PRR5L: variants seen among roughly 807,000 people sequenced by gnomAD.
PRR5L encodes proline rich 5 like.
A neutral mutation model predicts 36.4 loss-of-function variants in PRR5L; 21 were observed. The ratio of observed to expected loss-of-function variants is 0.58; its 90% CI spans 0.41 to 0.83. PRR5L has a LOEUF of 0.83. PRR5L is among the 40% of genes least tolerant of loss of function. PRR5L has a pLI of 0.00. For synonymous variants in PRR5L, 188 were observed against 197.0 expected, an observed-to-expected ratio of 0.95 and a Z score of 0.38; for missense variants, 381 against 473.3, an observed-to-expected ratio of 0.80 and a Z score of 1.81.
intron 1 of PRR5L, among the ~76,000 whole-genome samples, chr11:36,378,534 A>AAAGTCTAACTAGCTT (rs1857316313): frequency 6.6e-6 from 1 of 152,246 alleles, no homozygotes; most frequent in African/African-American, 2.4e-5. Flanking sequence ...TAGAAATAAG[A>AAAGTCTAACTAGCTT]AAGTCTAACT....
intron 1 of PRR5L, among the ~76,000 whole-genome samples, chr11:36,387,009 G>T (rs1399483105): frequency 2.0e-5 from 3 of 152,192 alleles, no homozygotes; most frequent in Non-Finnish European, 4.4e-5. Flanking sequence ...GCTGGCGCAG[G>T]GGCAGGCGTG....
chr11:36,398,788 T>A (rs898930192), intron 1 of PRR5L: 7 of 152,238 alleles, frequency 4.6e-5, no homozygotes, highest in Admixed American at 4.6e-4. Context: ...CTCAGTGTCT[T>A]ACAGTTTCCT....
intron 1 of PRR5L, among the ~76,000 whole-genome samples, chr11:36,335,527 G>A (rs1197152114): frequency 6.6e-6 from 1 of 152,092 alleles, no homozygotes; most frequent in Non-Finnish European, 1.5e-5. Flanking sequence ...ATTATTTAGG[G>A]TAGAAACAGG....
chr11:36,414,013 T>C (rs1268003907), intron 3 of PRR5L, among the ~76,000 whole-genome samples: 1 of 150,134 alleles, frequency 6.7e-6, no homozygotes, highest in Non-Finnish European at 1.5e-5. Context: ...ATTTCCACTT[T>C]TATCCATGTC....
intron 1 of PRR5L, among the ~76,000 whole-genome samples, chr11:36,310,288 C>T (rs17814936): frequency 0.01 from 1,548 of 152,272 alleles, 10 homozygotes; most frequent in Non-Finnish European, 0.016. Context: ...CAGCCCACTG[C>T]TTTAGAACTA....
At chr11:36,340,546 A>G (rs1242136875) in intron 1 of PRR5L, among the ~76,000 whole-genome samples, 1 of 152,222 alleles carries the variant, frequency 6.6e-6, no homozygotes, top group Non-Finnish European at 1.5e-5. Context: ...CACTGGCACC[A>G]CTTTGCAGAT....
At chr11:36,408,184 G>T (rs184933180) in intron 3 of PRR5L, among the ~76,000 whole-genome samples, 1 of 152,144 alleles carries the variant, frequency 6.6e-6, no homozygotes, top group Non-Finnish European at 1.5e-5. Flanking sequence ...GGAGGCTGAG[G>T]CAGGAGAATC....
chr11:36,371,434 T>C (rs996618794), intron 1 of PRR5L, among the ~76,000 whole-genome samples: 1 of 152,230 alleles, frequency 6.6e-6, no homozygotes, highest in African/African-American at 2.4e-5. Context: ...GTATTTATCA[T>C]GAGTAACTAC....
intron 1 of PRR5L, among the ~76,000 whole-genome samples, chr11:36,298,244 A>T (rs1409165738): frequency 6.6e-6 from 1 of 152,168 alleles, no homozygotes; most frequent in African/African-American, 2.4e-5. Flanking sequence ...AGTTTTGTAG[A>T]TGACACTTTT....
In PRR5L at chr11:36,377,102, G is replaced by T. The variant is rs2133520098; in HGVS notation, c.-125-23895G>T. ...TGACTCTCTCGTTCTCCCTCTGGGG[G>T]GCAAATCTAAAGAGCTGACCCCGCT... On this transcript the variant is annotated intron_variant, in intron 1 of 8. Coordinates refer to ENST00000530639, the MANE Select transcript of PRR5L (RefSeq NM_001160167.2). The surrounding 1 kb of genome is among the most constrained non-coding windows in gnomAD (Gnocchi z 5.1). Among the ~76,000 whole-genome samples, 1 of 152,332 alleles carries T rather than the reference G, an allele frequency of 6.6e-6. No homozygotes were observed. The highest frequency in any genetic ancestry group is 1.5e-5 in the Non-Finnish European group (1 of 68,026).
At chr11:36,454,372 C>T (rs951940259) in intron 8 of PRR5L, among the ~76,000 whole-genome samples, 65 of 152,264 alleles carry the variant, frequency 4.3e-4, no homozygotes, top group African/African-American at 1.5e-3. Flanking sequence ...AAAGAGAGGT[C>T]TCTCAGGGCC....
At chr11:36,413,797 G>A in intron 3 of PRR5L, among the ~76,000 whole-genome samples, 1 of 150,022 alleles carries the variant, frequency 6.7e-6, no homozygotes, top group Non-Finnish European at 1.5e-5. Context: ...GTGCCATGCT[G>A]GTGTGCTGCA....
At chr11:36,411,040 T>C (rs1858015611) in intron 3 of PRR5L, among the ~76,000 whole-genome samples, 1 of 152,228 alleles carries the variant, frequency 6.6e-6, no homozygotes, top group Non-Finnish European at 1.5e-5. Flanking sequence ...ACTACTGATA[T>C]GGTTATTCCA....
chr11:36,376,369 G>T, intron 1 of PRR5L: 1 of 1,159,884 alleles, frequency 8.6e-7, no homozygotes, highest in South Asian at 1.7e-5. Flanking sequence ...AGGAGGAGGA[G>T]GAGGAGGCGG....
rs545695221 is a variant in PRR5L at position 36,341,865 on chromosome 11, A to G, written c.-126+45427A>G. 1.5e-3 allele frequency among the ~76,000 whole-genome samples: 224 copies of G among 152,326 alleles called. 1 individual carries two copies. The highest frequency in any genetic ancestry group is 1.9e-3 in the Non-Finnish European group (126 of 68,028). On this transcript the variant is annotated intron_variant, in intron 1 of 8. Coordinates refer to ENST00000530639, the MANE Select transcript of PRR5L (RefSeq NM_001160167.2). The stretch of plus-strand genomic sequence containing the variant: ...AGAGCCAGTGCTTAATGGCTCTGGA[A>G]TATCCAAGGGAATTAAAGAGGCAAA...
intron 1 of PRR5L, among the ~76,000 whole-genome samples, chr11:36,370,210 G>T (rs1338299356): frequency 6.6e-6 from 1 of 152,116 alleles, no homozygotes; most frequent in African/African-American, 2.4e-5. Flanking sequence ...CTGACTCAGG[G>T]CCTCTGTACT....
intron 3 of PRR5L, 147 bp downstream of exon 3, chr11:36,403,525 T>C (rs535449242): frequency 2.4e-4 from 150 of 617,410 alleles, no homozygotes; most frequent in African/African-American, 2.1e-3. Context: ...GCTGCTTTCA[T>C]GGCTGTTGCG....
At chr11:36,320,416 T>A (rs2133463333) in intron 1 of PRR5L, among the ~76,000 whole-genome samples, 1 of 152,138 alleles carries the variant, frequency 6.6e-6, no homozygotes, top group Middle Eastern at 3.4e-3. Context: ...GCTAATTTTT[T>A]TTTATGAACT....
chr11:36,416,942 C>T (rs1025405550), intron 3 of PRR5L, among the ~76,000 whole-genome samples: 1 of 152,190 alleles, frequency 6.6e-6, no homozygotes, highest in African/African-American at 2.4e-5. Context: ...CCCAAACTCA[C>T]AATTATTACA....
Sources: gnomAD v4.1 joint callset for allele counts (sites outside exome capture counted in the v4.1 genomes callset) on GRCh38, gnomAD v4.1.1 for gene constraint, Gnocchi (gnomAD v3.1) non-coding constraint, MANE v1.5 for transcripts, NCBI Gene and HGNC (gene_info 2026-07-23, HGNC 2026-07-21) for gene names.